Variants in MOB3B observed in about 807,000 individuals in gnomAD.
MOB3B encodes the protein MOB kinase activator-like 2B.
In MOB3B, 7 loss-of-function variants were observed where a neutral mutation model predicts 18.7. That is an observed-to-expected ratio of 0.37 (90% confidence interval 0.21 to 0.70). The LOEUF (loss-of-function observed/expected upper bound fraction) is 0.70. Ranked by LOEUF, MOB3B falls within the 30% of genes least tolerant of loss-of-function variation. The probability of loss-of-function intolerance (pLI) is 0.52; values close to 1 mark genes in which losing one functional copy is unlikely to be tolerated. For missense variants in MOB3B, 253 were observed against 281.3 expected (o/e 0.90, Z 0.72); for synonymous variants, 111 against 99.9 (o/e 1.11, Z -0.66).
intron 2 of MOB3B, among the ~76,000 whole-genome samples, chr9:27,386,124 G>A (rs929024293): frequency 2.0e-5 from 3 of 152,180 alleles, no homozygotes; most frequent in Non-Finnish European, 2.9e-5. Flanking sequence ...AAGACACTGG[G>A]TGCCCAAGAA....
chr9:27,528,846 C>T (rs961799255), intron 1 of MOB3B, among the ~76,000 whole-genome samples: 22 of 152,158 alleles, frequency 1.4e-4, no homozygotes, highest in African/African-American at 4.3e-4. Flanking sequence ...GCGCTTTACC[C>T]TCCCAGCAGG....
chr9:27,450,147 C>T (rs1011667406), intron 2 of MOB3B, among the ~76,000 whole-genome samples: 5 of 152,130 alleles, frequency 3.3e-5, no homozygotes, highest in African/African-American at 4.8e-5. Context: ...GTAGTCTCAT[C>T]GGAAAGGTTA....
intron 3 of MOB3B, among the ~76,000 whole-genome samples, chr9:27,356,387 A>G (rs1304219104): frequency 6.6e-6 from 1 of 152,204 alleles, no homozygotes; most frequent in African/African-American, 2.4e-5. Context: ...GCCCTTGTCT[A>G]GGATATTGAC....
chr9:27,347,621 A>G (rs748452361), intron 3 of MOB3B, among the ~76,000 whole-genome samples: 5 of 152,144 alleles, frequency 3.3e-5, no homozygotes, highest in Admixed American at 6.5e-5. Flanking sequence ...ATTCTGGGAG[A>G]AGGTATAGGG....
At chr9:27,521,688 A>ATG (rs112921711) in intron 1 of MOB3B, among the ~76,000 whole-genome samples, 2,763 of 149,900 alleles carry the variant, frequency 0.018, 62 homozygotes, top group African/African-American at 0.054. Flanking sequence ...ACTTTATAGA[A>ATG]TGTGTGTGTG....
intron 1 of MOB3B, among the ~76,000 whole-genome samples, chr9:27,470,730 A>G (rs1886590): frequency 0.68 from 103,130 of 151,904 alleles, 37,845 homozygotes; most frequent in Non-Finnish European, 0.83. Flanking sequence ...GTGGAGGTTC[A>G]GCCTACCCCT....
At chr9:27,333,311 G>A (rs977823057) in intron 3 of MOB3B, among the ~76,000 whole-genome samples, 1 of 152,064 alleles carries the variant, frequency 6.6e-6, no homozygotes, top group Non-Finnish European at 1.5e-5. Flanking sequence ...GACTCTGCAA[G>A]CTGTATTCTA....
chr9:27,455,426 A>G lies in MOB3B; in HGVS notation c.125T>C (p.Val42Ala). The change falls in exon 2 of 4, where the codon GTG (valine) becomes GCG (alanine). Residue 42 changes from valine to alanine, a missense_variant. Coordinates refer to ENST00000262244, the MANE Select transcript of MOB3B (RefSeq NM_024761.5). ...CAACTGCACAGCCGCCTTCAGGTCC[A>G]CACCCGAGTTGAGGGATGCCTGAGC... ...KRAQASLNSG[V>A]DLKAAVQLPS... The G allele has an allele frequency of 6.2e-7, 1 of 1,614,180 alleles. No homozygotes were observed. Among genetic ancestry groups the G allele is most frequent in the Non-Finnish European group, 8.5e-7 (1 of 1,180,038 alleles).
At chr9:27,435,753 C>T (rs1822491123) in intron 2 of MOB3B, among the ~76,000 whole-genome samples, 1 of 152,130 alleles carries the variant, frequency 6.6e-6, no homozygotes, top group South Asian at 2.1e-4. Flanking sequence ...GCACCCACTA[C>T]CGTGCCCAGC....
chr9:27,481,960 T>A lies in MOB3B; in HGVS notation c.-198-26212A>T, dbSNP rs575611668. 1.9e-3 allele frequency among the ~76,000 whole-genome samples: 282 copies of A among 152,068 alleles called. 1 individual carries two copies. Among genetic ancestry groups the A allele is most frequent in the Non-Finnish European group, 3.3e-3 (222 of 67,990 alleles). On this transcript the variant is annotated intron_variant, in intron 1 of 3. Coordinates refer to ENST00000262244, the MANE Select transcript of MOB3B (RefSeq NM_024761.5). ...TAAACATCAGCCATGAATTTTTTTT[T>A]AAAAAGCAAACACTGAAAAAAGGAA...
intron 2 of MOB3B, among the ~76,000 whole-genome samples, chr9:27,452,526 T>C (rs1822805168): frequency 6.6e-6 from 1 of 152,110 alleles, no homozygotes. Flanking sequence ...AAAGTACAGG[T>C]TCATAAAGAA....
At chr9:27,381,401 G>A (rs1342387177) in intron 2 of MOB3B, among the ~76,000 whole-genome samples, 1 of 151,894 alleles carries the variant, frequency 6.6e-6, no homozygotes, top group Non-Finnish European at 1.5e-5. Context: ...CTGGAGTCCT[G>A]GGGCTACAAG....
intron 3 of MOB3B, among the ~76,000 whole-genome samples, chr9:27,357,127 T>TATATATATATGTATATATATATATATAC (rs1821201336): frequency 1.8e-5 from 1 of 57,070 alleles, no homozygotes; most frequent in Non-Finnish European, 3.9e-5. Flanking sequence ...TGCAAATATA[T>TATATATATATGTATATATATATATATAC]ATATATATAT....
intron 1 of MOB3B, among the ~76,000 whole-genome samples, chr9:27,507,599 A>G (rs957597755): frequency 1.3e-5 from 2 of 152,216 alleles, no homozygotes; most frequent in Non-Finnish European, 2.9e-5. Flanking sequence ...CATTCAGTAC[A>G]TGGAATTTAA....
intron 2 of MOB3B, among the ~76,000 whole-genome samples, chr9:27,377,985 C>T (rs1821516309): frequency 6.6e-6 from 1 of 152,220 alleles, no homozygotes; most frequent in East Asian, 1.9e-4. Flanking sequence ...GTCACCTCTC[C>T]TTCCCCCAAG....
At position 27,326,548 on chromosome 9, in the gene MOB3B, G is replaced by A. The variant is rs1820714605; in HGVS notation, c.*4039C>T. ...GTTGGTTATACCAAAGAATGCTATAGAATTTCCATGCCCGAAGAACTGTGA... is the reference window on the plus strand; with the variant it reads ...GTTGGTTATACCAAAGAATGCTATAAAATTTCCATGCCCGAAGAACTGTGA... On this transcript the variant is annotated 3_prime_UTR_variant, in exon 4 of 4. Transcript: ENST00000262244. The A allele has an allele frequency of 1.0e-5, 4 of 398,520 alleles. No individual in the cohort carries two copies. The East Asian group carries it at 1.4e-4, about 14-fold the overall frequency. The allele number at this position is 398,520 out of a possible 1,614,324, so 24.7% of individuals were successfully genotyped here. A position where few individuals can be genotyped will look rare whatever the true frequency, so the allele number is the denominator to read the frequency against.
chr9:27,326,242 C>T lies in MOB3B; in HGVS notation c.*4345G>A, dbSNP rs1454529295. 7 of 382,038 alleles carry T rather than the reference C, an allele frequency of 1.8e-5. No individual in the cohort carries two copies. The highest frequency in any genetic ancestry group is 2.8e-5 in the Non-Finnish European group (6 of 216,200). The allele number at this position is 382,038 out of a possible 1,614,324, so 23.7% of individuals were successfully genotyped here. On this transcript the variant is annotated 3_prime_UTR_variant, in exon 4 of 4. Transcript: ENST00000262244. ...TGTGGAGAGCTTTGGGAAGGTTTCA[C>T]GTTGAGTTACATCAGTGGTCAACAA...
chr9:27,522,369 C>T (rs1201666912), intron 1 of MOB3B, among the ~76,000 whole-genome samples: 1 of 148,326 alleles, frequency 6.7e-6, no homozygotes, highest in Middle Eastern at 3.3e-3. Context: ...ATTATTCTTC[C>T]AGTTAGAGAT....
At chr9:27,523,559 G>C (rs1820375906) in intron 1 of MOB3B, among the ~76,000 whole-genome samples, 1 of 152,030 alleles carries the variant, frequency 6.6e-6, no homozygotes, top group South Asian at 2.1e-4. Flanking sequence ...ACCCCCTCCA[G>C]GACTTTTAAG....
Sources: gnomAD v4.1 joint callset for allele counts (sites outside exome capture counted in the v4.1 genomes callset) on GRCh38, gnomAD v4.1.1 for gene constraint, MANE v1.5 for transcripts, NCBI Gene and HGNC (gene_info 2026-07-23, HGNC 2026-07-21) for gene names.